The following SNCAIP variants were observed in gnomAD, a reference collection of about 807,000 sequenced individuals.
The protein encoded by SNCAIP is synphilin-1.
SNCAIP carries 43 observed loss-of-function variants against 86.7 expected under a neutral mutation model. That is an observed-to-expected ratio of 0.50 (90% CI 0.39 to 0.64). The LOEUF is 0.64. Ranked by LOEUF, SNCAIP falls within the 30% of genes least tolerant of loss-of-function variation. SNCAIP has a pLI of 0.00. For synonymous variants in SNCAIP, 417 were observed against 427.2 expected (o/e 0.98, Z 0.29); for missense variants, 981 against 1,103.1 (o/e 0.89, Z 1.57).
chr5:122,414,279 G>T (rs1408596745), intron 3 of SNCAIP, among the ~76,000 whole-genome samples: 1 of 149,228 alleles, frequency 6.7e-6, no homozygotes, highest in African/African-American at 2.5e-5. Context: ...TGCCCAGGCT[G>T]GAGTGCAATG....
intron 1 of SNCAIP, among the ~76,000 whole-genome samples, chr5:122,330,144 C>T (rs1483942683): frequency 2.8e-5 from 2 of 70,994 alleles, no homozygotes; most frequent in East Asian, 3.1e-4. Context: ...TTTTTTGAGA[C>T]GGAGTCTCAC....
chr5:122,328,392 T>C (rs546003845), intron 1 of SNCAIP, among the ~76,000 whole-genome samples: 1 of 152,332 alleles, frequency 6.6e-6, no homozygotes, highest in African/African-American at 2.4e-5. Flanking sequence ...TTCAAAATCT[T>C]GGCTCTGTCC....
intron 1 of SNCAIP, among the ~76,000 whole-genome samples, chr5:122,343,881 C>T (rs897780658): frequency 6.6e-6 from 1 of 152,196 alleles, no homozygotes; most frequent in African/African-American, 2.4e-5. Flanking sequence ...AGATGAGAAA[C>T]CAGTTAGACA....
chr5:122,442,875 T>C (rs1242542195), intron 7 of SNCAIP, among the ~76,000 whole-genome samples: 1 of 151,930 alleles, frequency 6.6e-6, no homozygotes, highest in Admixed American at 6.6e-5. Context: ...TGGATAATCT[T>C]GGAAGGGGAT....
intron 2 of SNCAIP, among the ~76,000 whole-genome samples, chr5:122,392,006 A>G (rs1448622925): frequency 6.6e-6 from 1 of 152,152 alleles, no homozygotes; most frequent in Non-Finnish European, 1.5e-5. Flanking sequence ...AGGACCCTCA[A>G]GTTCACAACT....
intron 10 of SNCAIP, among the ~76,000 whole-genome samples, chr5:122,462,400 G>T (rs950467434): frequency 2.9e-4 from 44 of 151,966 alleles, no homozygotes; most frequent in Non-Finnish European, 6.0e-4. Context: ...TTATTTCAGT[G>T]TTATTTTGCA....
intron 1 of SNCAIP, among the ~76,000 whole-genome samples, chr5:122,345,557 G>A (rs59137210): frequency 0.045 from 6,833 of 152,158 alleles, 507 homozygotes; most frequent in African/African-American, 0.16. Context: ...GTGCATCAGC[G>A]ATGGATCCTG....
intron 1 of SNCAIP, among the ~76,000 whole-genome samples, chr5:122,376,139 C>G (rs1029552866): frequency 6.6e-6 from 1 of 152,026 alleles, no homozygotes; most frequent in Non-Finnish European, 1.5e-5. Context: ...CTCGTGCACT[C>G]TAAAGTTTGA....
At chr5:122,415,871 A>G (rs1355328547) in intron 3 of SNCAIP, among the ~76,000 whole-genome samples, 1 of 152,206 alleles carries the variant, frequency 6.6e-6, no homozygotes, top group Non-Finnish European at 1.5e-5. Context: ...AAACCTGGTA[A>G]ATGGACCTGG....
intron 9 of SNCAIP, 133 bp downstream of exon 9, chr5:122,450,070 G>A (rs1783382602): frequency 1.4e-6 from 1 of 700,994 alleles, no homozygotes; most frequent in South Asian, 1.8e-5. Context: ...GAATAAAAAT[G>A]AGAAATCACA....
At chr5:122,431,517 G>A (rs996217145) in intron 5 of SNCAIP, among the ~76,000 whole-genome samples, 1 of 152,094 alleles carries the variant, frequency 6.6e-6, no homozygotes, top group Non-Finnish European at 1.5e-5. Flanking sequence ...CTAATCTATT[G>A]TGACAGAAAT....
At chr5:122,374,866 AAAT>A (rs1355571519) in intron 1 of SNCAIP, among the ~76,000 whole-genome samples, 1 of 152,138 alleles carries the variant, frequency 6.6e-6, no homozygotes, top group Non-Finnish European at 1.5e-5. Context: ...AGGTACACAT[AAAT>A]AATCTTATGT....
At position 122,362,601 on chromosome 5, in the gene SNCAIP, C is replaced by A. The variant is rs554880293; in HGVS notation, c.-46-28488C>A. Among the ~76,000 whole-genome samples, 5 of 152,220 alleles carry A rather than the reference C, an allele frequency of 3.3e-5. No individual in the cohort carries two copies. In the South Asian group the frequency reaches 1.0e-3, roughly 32 times the overall value. ...ATGGAATGTTTGAAGTCGGAGAACT[C>A]ATAGGAATGCTAGTACCAAGTACAG... On this transcript the variant is annotated intron_variant, in intron 1 of 10. Transcript: ENST00000261368.
At chr5:122,427,322 G>T (rs1284523730) in intron 5 of SNCAIP, among the ~76,000 whole-genome samples, 10 of 151,062 alleles carry the variant, frequency 6.6e-5, no homozygotes, top group Non-Finnish European at 2.9e-5. Context: ...TTATATTCCT[G>T]CAGTCAACAT....
intron 3 of SNCAIP, among the ~76,000 whole-genome samples, chr5:122,411,446 C>A (rs1314902439): frequency 6.6e-6 from 1 of 152,086 alleles, no homozygotes; most frequent in Non-Finnish European, 1.5e-5. Context: ...CTGACAGCAC[C>A]CCAGTTCTTC....
At chr5:122,453,871 T>A (rs985912922) in intron 10 of SNCAIP, among the ~76,000 whole-genome samples, 1 of 151,712 alleles carries the variant, frequency 6.6e-6, no homozygotes. Flanking sequence ...GTGATACTCC[T>A]GCCTCAGCCT....
intron 1 of SNCAIP, among the ~76,000 whole-genome samples, chr5:122,356,301 A>G (rs1229876957): frequency 6.6e-6 from 1 of 151,582 alleles, no homozygotes; most frequent in Non-Finnish European, 1.5e-5. Context: ...TAATTTTTGT[A>G]GTGACAAGGC....
intron 1 of SNCAIP, among the ~76,000 whole-genome samples, chr5:122,359,349 T>TTTTATTTA (rs10528513): frequency 0.031 from 4,354 of 142,170 alleles, 174 homozygotes; most frequent in African/African-American, 0.082. Flanking sequence ...AGATTTTTAT[T>TTTTATTTA]TTTATTTATT....
intron 1 of SNCAIP, among the ~76,000 whole-genome samples, chr5:122,342,061 G>A (rs537412276): frequency 3.3e-5 from 5 of 152,126 alleles, no homozygotes; most frequent in Non-Finnish European, 7.4e-5. Context: ...TGACACACAA[G>A]GATTTTTTCG....
Sources: gnomAD v4.1 joint callset for allele counts (sites outside exome capture counted in the v4.1 genomes callset) on GRCh38, gnomAD v4.1.1 for gene constraint, MANE v1.5 for transcripts, NCBI Gene and HGNC (gene_info 2026-07-23, HGNC 2026-07-21) for gene names.